The following ZGPAT variants were observed in gnomAD, a reference collection of about 807,000 sequenced individuals.
ZGPAT encodes the protein zinc finger CCCH-type with G patch domain-containing protein.
ZGPAT carries 39 observed loss-of-function variants against 47.9 expected under a neutral mutation model. The observed-to-expected ratio is 0.81, with a 90% CI of 0.63 to 1.06. The LOEUF (loss-of-function observed/expected upper bound fraction) is 1.06. Ranked by LOEUF, ZGPAT falls within the 50% of genes least tolerant of loss-of-function variation. The pLI is 0.00. For missense variants in ZGPAT, 717 were observed against 681.4 expected (o/e 1.05, Z -0.58); for synonymous variants, 348 against 292.9 (o/e 1.19, Z -1.92).
In ZGPAT at chr20:63,708,926, G is replaced by T. The variant is rs1157324893; in HGVS notation, c.346G>T (p.Gly116Cys). The T allele has an allele frequency of 6.2e-7, 1 of 1,612,886 alleles. No individual in the cohort carries two copies. The highest frequency in any genetic ancestry group is 2.2e-5 in the East Asian group (1 of 44,878). The change falls in exon 2 of 7, where the codon GGT becomes TGT. Residue 116 changes from glycine (G) to cysteine (C), a missense_variant. Physicochemically the swap from Gly to Cys is radical, Grantham distance 159. Coordinates refer to ENST00000355969, the MANE Select transcript of ZGPAT (RefSeq NM_181485.3). ...KAEAGPESAA[G>C]GQEEEEGEDE... ...AGAGGCGGGGCCAGAATCTGCGGCA[G>T]GTGGGCAGGAGGAGGAAGAGGGAGA...
upstream of ZGPAT, chr20:63,707,767 C>G (rs746561751): frequency 2.0e-5 from 3 of 152,294 alleles, no homozygotes; most frequent in Non-Finnish European, 2.9e-5. Context: ...TGAGGCTCCC[C>G]GACAAGCAGC....
At chr20:63,710,120 A>G (rs1310680908) in intron 2 of ZGPAT, among the ~76,000 whole-genome samples, 2 of 150,452 alleles carry the variant, frequency 1.3e-5, no homozygotes, top group Non-Finnish European at 2.9e-5. Context: ...TTGGCCTCCC[A>G]AAGTGCTGGG....
intron 2 of ZGPAT, among the ~76,000 whole-genome samples, chr20:63,732,976 ATGTG>A (rs1268040771): frequency 6.7e-6 from 1 of 149,784 alleles, no homozygotes; most frequent in South Asian, 2.1e-4. Context: ...GTATGTGTGC[ATGTG>A]TATCTGTATG....
At chr20:63,734,041 G>A (rs2145703141) in intron 4 of ZGPAT, 1 of 380,518 alleles carries the variant, frequency 2.6e-6, no homozygotes, top group Non-Finnish European at 4.8e-6. Context: ...CCAACTGATG[G>A]GGCCTGGAGT....
chr20:63,717,373 G>T (rs1601324276), intron 2 of ZGPAT, among the ~76,000 whole-genome samples: 1 of 108,602 alleles, frequency 9.2e-6, no homozygotes, highest in Non-Finnish European at 1.7e-5. Flanking sequence ...CTGTTGAGAT[G>T]GAGTCTCCCT....
intron 2 of ZGPAT, among the ~76,000 whole-genome samples, chr20:63,709,771 T>A (rs1432087135): frequency 1.3e-5 from 2 of 150,268 alleles, no homozygotes; most frequent in Non-Finnish European, 1.5e-5. Context: ...CTGGACCTCC[T>A]GGGCTCAACC....
Position 63,730,578 on chromosome 20 carries a change from G to A in ZGPAT, c.585-2641G>A, listed in dbSNP as rs565199890. ...CTGCTCACTGCAACCTCCGCCTCCCGGGTTCAAGCGATTCTTGTGCCTCAG... is the reference window on the plus strand; with the variant it reads ...CTGCTCACTGCAACCTCCGCCTCCCAGGTTCAAGCGATTCTTGTGCCTCAG... On this transcript the variant is annotated intron_variant, in intron 2 of 6. Transcript: ENST00000355969. Among the ~76,000 whole-genome samples the A allele has an allele frequency of 3.1e-4, 47 of 152,246 alleles. No individual in the cohort carries two copies. The South Asian group carries it at 4.1e-3, about 13-fold the overall frequency.
chr20:63,733,555 G>C, intron 3 of ZGPAT, 32 bp from the exon 4 acceptor site: 1 of 1,614,034 alleles, frequency 6.2e-7, no homozygotes, highest in East Asian at 2.2e-5. Context: ...TGCTGTCAAG[G>C]ATTCTGACCT....
chr20:63,723,560 CATA>C (rs2091812663), intron 2 of ZGPAT, among the ~76,000 whole-genome samples: 1 of 124,304 alleles, frequency 8.0e-6, no homozygotes, highest in Non-Finnish European at 1.7e-5. Flanking sequence ...TCTCCTCTGA[CATA>C]GCTCCATCCT....
At chr20:63,725,191 A>T (rs947666849) in intron 2 of ZGPAT, among the ~76,000 whole-genome samples, 4 of 151,662 alleles carry the variant, frequency 2.6e-5, no homozygotes, top group Non-Finnish European at 5.9e-5. Flanking sequence ...TCACCGTGTT[A>T]GCCAGGATGG....
chr20:63,728,118 C>A (rs959762094), intron 2 of ZGPAT, among the ~76,000 whole-genome samples: 2 of 150,300 alleles, frequency 1.3e-5, no homozygotes, highest in African/African-American at 4.9e-5. Flanking sequence ...CTCACTGCAA[C>A]CTCCACCTCC....
chr20:63,728,781 T>C (rs371655222), intron 2 of ZGPAT, among the ~76,000 whole-genome samples: 3 of 152,232 alleles, frequency 2.0e-5, no homozygotes, highest in South Asian at 2.1e-4. Context: ...CCACCTCTGC[T>C]GCTGCTGGTT....
intron 2 of ZGPAT, 128 bp from the exon 3 acceptor site, chr20:63,733,083 AGAGTGTGT>A (rs1350169458): frequency 9.0e-7 from 1 of 1,110,662 alleles, no homozygotes; most frequent in Non-Finnish European, 1.3e-6. Flanking sequence ...TGAGTGTGTG[AGAGTGTGT>A]ATGTATACGC....
Position 63,708,834 on chromosome 20 carries a change from C to T in ZGPAT, c.254C>T (p.Ala85Val). 1 of 1,605,066 alleles carries T rather than the reference C, an allele frequency of 6.2e-7. No individual in the cohort carries two copies. Among genetic ancestry groups the T allele is most frequent in the Non-Finnish European group, 8.5e-7 (1 of 1,174,752 alleles). Reference sequence around the variant, plus strand: ...GCTGAGTACCAGGCTTTCCGGGAGGCCATCACTGAGGCGGTGGAGGCACCA... The same window carrying T: ...GCTGAGTACCAGGCTTTCCGGGAGGTCATCACTGAGGCGGTGGAGGCACCA... ...EDAEYQAFRE[A>V]ITEAVEAPAA... Residue 85 changes from alanine to valine, a missense_variant, in exon 2 of 7, where the codon GCC becomes GTC. Transcript: ENST00000355969.
chr20:63,710,790 T>C (rs1354403872), intron 2 of ZGPAT, among the ~76,000 whole-genome samples: 1 of 152,252 alleles, frequency 6.6e-6, no homozygotes, highest in Non-Finnish European at 1.5e-5. Flanking sequence ...GAGTAACTTC[T>C]GTGTCATAAT....
chr20:63,724,965 C>T lies in ZGPAT; in HGVS notation c.585-8254C>T, dbSNP rs947546064. 3.3e-5 allele frequency among the ~76,000 whole-genome samples: 5 copies of T among 151,442 alleles called. 1 individual carries two copies. The South Asian group carries it at 1.0e-3, about 32-fold the overall frequency. On this transcript the variant is annotated intron_variant, in intron 2 of 6. Coordinates refer to ENST00000355969, the MANE Select transcript of ZGPAT (RefSeq NM_181485.3). ...GCTGGGATTACCATGAGCCACCACGCCCAGCCCATTTAGAATTTCTTTTTT... is the reference window on the plus strand; with the variant it reads ...GCTGGGATTACCATGAGCCACCACGTCCAGCCCATTTAGAATTTCTTTTTT...
chr20:63,709,375 C>A (rs912724792), intron 2 of ZGPAT, among the ~76,000 whole-genome samples: 1 of 152,144 alleles, frequency 6.6e-6, no homozygotes, highest in Non-Finnish European at 1.5e-5. Flanking sequence ...CGGTGGCTCA[C>A]GCCTGTAATC....
Position 63,732,728 on chromosome 20 carries a change from GTGTA to G in ZGPAT, c.585-487_585-484del, listed in dbSNP as rs2091928996. Among the ~76,000 whole-genome samples, 4 of 148,732 alleles carry G rather than the reference GTGTA, an allele frequency of 2.7e-5. No homozygotes were observed. In the South Asian group the frequency reaches 8.3e-4, roughly 31 times the overall value. On this transcript the variant is annotated intron_variant, in intron 2 of 6. Coordinates refer to ENST00000355969, the MANE Select transcript of ZGPAT (RefSeq NM_181485.3). ...CATGTGTACTTGTGTATGTGTATAT[GTGTA>G]TGTCTGTATATGTGTGTGTATGCCT...
In ZGPAT at chr20:63,733,727, A is replaced by G; in HGVS notation, c.859A>G (p.Ser287Gly). The G allele has an allele frequency of 6.2e-7, 1 of 1,611,784 alleles. No homozygotes were observed. Among genetic ancestry groups the G allele is most frequent in the Non-Finnish European group, 8.5e-7 (1 of 1,178,738 alleles). ...AGACAGCGACGGTACGGGTGACTCC[A>G]GCTATGCCAGAGGTATGGCAGCAGC... ...DSDSDGTGDS[S>G]YARVVGSDAV... Residue 287 changes from serine to glycine, a missense_variant, in exon 4 of 7, where the codon AGC becomes GGC. Coordinates refer to ENST00000355969, the MANE Select transcript of ZGPAT (RefSeq NM_181485.3).
Sources: gnomAD v4.1 joint callset for allele counts (sites outside exome capture counted in the v4.1 genomes callset) on GRCh38, gnomAD v4.1.1 for gene constraint, MANE v1.5 for transcripts, NCBI Gene and HGNC (gene_info 2026-07-23, HGNC 2026-07-21) for gene names.